Variants in PHAX observed in about 807,000 individuals in gnomAD.
PHAX encodes the protein phosphorylated adapter RNA export protein.
Under a neutral mutation model 41.6 loss-of-function variants are expected in PHAX, and 31 were observed. The ratio of observed to expected loss-of-function variants is 0.75; its 90% CI spans 0.56 to 1.01. The LOEUF is 1.01. Ranked by LOEUF, PHAX falls within the 50% of genes least tolerant of loss-of-function variation. The probability of loss-of-function intolerance (pLI) is 0.00; values close to 1 mark genes in which losing one functional copy is unlikely to be tolerated. For missense variants in PHAX, 453 were observed against 472.9 expected, an observed-to-expected ratio of 0.96 and a Z score of 0.39; for synonymous variants, 175 against 164.9, an observed-to-expected ratio of 1.06 and a Z score of -0.47.
intron 3 of PHAX, 108 bp downstream of exon 3, chr5:126,608,592 T>G: frequency 1.2e-6 from 1 of 830,192 alleles, no homozygotes; most frequent in East Asian, 2.6e-5. Context: ...TCATGCATTC[T>G]TACAGTATGT....
intron 3 of PHAX, among the ~76,000 whole-genome samples, chr5:126,611,235 A>G (rs1752092543): frequency 7.4e-6 from 1 of 135,374 alleles, no homozygotes; most frequent in Non-Finnish European, 1.5e-5. Context: ...TGTATTTTTA[A>G]TAGAGACAGG....
intron 1 of PHAX, 57 bp from the exon 2 acceptor site, chr5:126,603,513 T>C: frequency 6.6e-7 from 1 of 1,522,972 alleles, no homozygotes; most frequent in Admixed American, 2.2e-5. Context: ...TTTTAAAAAT[T>C]AGGTAGGTGG....
At chr5:126,610,007 G>A (rs1752056063) in intron 3 of PHAX, among the ~76,000 whole-genome samples, 1 of 152,192 alleles carries the variant, frequency 6.6e-6, no homozygotes, top group Non-Finnish European at 1.5e-5. Context: ...AAAGTGCTGG[G>A]ATTACAGGCT....
Position 126,603,602 on chromosome 5 carries a change from CT to C in PHAX, c.131del (p.Phe44SerfsTer128). ...TAGGTGGCGACAGTGCTATGAGGGC[CT>C]TCCAGAACACGGCAACTGCATGTGC... Reference protein sequence around the residue: ...VLGGDSAMRAFQNTATACAPV... With the variant: ...VLGGDSAMRAXQNTATACAPV... On this transcript the variant is annotated frameshift_variant, in exon 2 of 5. Coordinates refer to ENST00000297540, the MANE Select transcript of PHAX (RefSeq NM_032177.4). LOFTEE classifies it high-confidence loss of function. 1.9e-6 allele frequency: 3 copies of C among 1,613,716 alleles called. No homozygotes were observed. The highest frequency in any genetic ancestry group is 2.5e-6 in the Non-Finnish European group (3 of 1,179,616).
chr5:126,602,054 G>A (rs1238380356), intron 1 of PHAX, among the ~76,000 whole-genome samples: 1 of 151,806 alleles, frequency 6.6e-6, no homozygotes, highest in Non-Finnish European at 1.5e-5. Context: ...CAGGTGATCC[G>A]CCCGCCTCGG....
chr5:126,617,090 G>A (rs187561754), intron 3 of PHAX, 160 bp from the exon 4 acceptor site: 250 of 424,600 alleles, frequency 5.9e-4, no homozygotes, highest in African/African-American at 4.6e-3. Context: ...CTCATATTTC[G>A]GTAATTTACT....
intron 3 of PHAX, among the ~76,000 whole-genome samples, chr5:126,614,064 A>G (rs547712533): frequency 6.6e-6 from 1 of 151,182 alleles, no homozygotes; most frequent in Non-Finnish European, 1.5e-5. Flanking sequence ...TACCCCGCCT[A>G]TTTTTTCTTT....
chr5:126,623,135 AG>A (rs989892198), intron 4 of PHAX, among the ~76,000 whole-genome samples: 1 of 151,774 alleles, frequency 6.6e-6, no homozygotes, highest in Admixed American at 6.6e-5. Flanking sequence ...CAAAAAAAAA[AG>A]AAGAAGAAAA....
intron 2 of PHAX, among the ~76,000 whole-genome samples, chr5:126,606,141 ATGTTTTTGTT>A (rs1167999555): frequency 3.3e-5 from 5 of 151,024 alleles, no homozygotes; most frequent in African/African-American, 4.9e-5. Flanking sequence ...AGCTAATGTT[ATGTTTTTGTT>A]TGTTTTTGTT....
intron 3 of PHAX, among the ~76,000 whole-genome samples, chr5:126,610,344 T>A (rs1475288128): frequency 6.6e-6 from 1 of 152,226 alleles, no homozygotes. Flanking sequence ...ACTTCCTTGT[T>A]TTTTGTTACT....
At chr5:126,620,382 C>A (rs895984930) in intron 4 of PHAX, among the ~76,000 whole-genome samples, 8 of 152,170 alleles carry the variant, frequency 5.3e-5, no homozygotes, top group African/African-American at 1.9e-4. Flanking sequence ...AAATAATATT[C>A]TCAGGCAGGA....
At chr5:126,623,115 G>T (rs1421213764) in intron 4 of PHAX, among the ~76,000 whole-genome samples, 4 of 151,546 alleles carry the variant, frequency 2.6e-5, no homozygotes, top group Non-Finnish European at 5.9e-5. Context: ...GACAGAGCCA[G>T]ACTCTGTCTC....
At chr5:126,623,182 G>A (rs1299211196) in intron 4 of PHAX, among the ~76,000 whole-genome samples, 1 of 152,052 alleles carries the variant, frequency 6.6e-6, no homozygotes. Context: ...CAGCTACTTG[G>A]GATGCTGAGG....
At chr5:126,601,869 G>A (rs373068098) in intron 1 of PHAX, among the ~76,000 whole-genome samples, 4 of 152,214 alleles carry the variant, frequency 2.6e-5, no homozygotes, top group South Asian at 4.1e-4. Flanking sequence ...GTTTCACCAT[G>A]TTGCCCAGGC....
intron 3 of PHAX, among the ~76,000 whole-genome samples, chr5:126,611,641 A>G (rs1012764290): frequency 6.6e-6 from 1 of 152,066 alleles, no homozygotes; most frequent in Non-Finnish European, 1.5e-5. Context: ...GTATACATAT[A>G]TTAGCCAGGC....
intron 2 of PHAX, among the ~76,000 whole-genome samples, chr5:126,606,250 C>G (rs1359075980): frequency 1.3e-5 from 2 of 152,268 alleles, no homozygotes; most frequent in African/African-American, 4.8e-5. Context: ...GGCTGGAGTG[C>G]AGTGTCACGA....
At chr5:126,602,801 G>A (rs1168065699) in intron 1 of PHAX, among the ~76,000 whole-genome samples, 4 of 152,036 alleles carry the variant, frequency 2.6e-5, no homozygotes, top group Admixed American at 1.3e-4. Context: ...TCAGGAGATC[G>A]AGACCATCCT....
At chr5:126,615,029 G>A (rs1247183466) in intron 3 of PHAX, among the ~76,000 whole-genome samples, 5 of 151,830 alleles carry the variant, frequency 3.3e-5, no homozygotes, top group African/African-American at 1.2e-4. Context: ...GGGATTACAG[G>A]CGTGAGCCAC....
chr5:126,613,772 TTTC>T lies in PHAX; in HGVS notation c.832-3475_832-3473del, dbSNP rs544760986. ...GGTTTTTTTCTTTTCTTTTTCTTTC[TTTC>T]TTTTTTTTTTTCCTTTTTGATACAG... On this transcript the variant is annotated intron_variant, in intron 3 of 4. Transcript: ENST00000297540. 1.5e-4 allele frequency among the ~76,000 whole-genome samples: 20 copies of T among 136,502 alleles called. No individual in the cohort carries two copies. In the South Asian group the frequency reaches 3.4e-3, roughly 23 times the overall value. The allele number at this position is 136,502 out of a possible 152,430, so 89.6% of individuals were successfully genotyped here.
Sources: allele counts gnomAD v4.1 joint callset (sites outside exome capture counted in the v4.1 genomes callset), GRCh38; gene constraint gnomAD v4.1.1; transcripts MANE v1.5; gene names NCBI Gene and HGNC (gene_info 2026-07-23, HGNC 2026-07-21).